MORN5: variants seen among roughly 807,000 people sequenced by gnomAD.
MORN5 encodes MORN repeat containing 5, also known as MORN repeat-containing protein 5.
A neutral mutation model predicts 22.1 loss-of-function variants in MORN5; 21 were observed. That is an observed-to-expected ratio of 0.95 (90% CI 0.67 to 1.37). The LOEUF is 1.37. Among genes scored for constraint, MORN5 ranks in the 40% most tolerant of loss-of-function variants. The pLI is 0.00. For missense variants in MORN5, 211 were observed against 215.1 expected (o/e 0.98, Z 0.12); for synonymous variants, 73 against 74.0 (o/e 0.99, Z 0.07).
chr9:122,160,571 T>G (rs1209031206), intron 1 of MORN5, among the ~76,000 whole-genome samples: 2 of 151,624 alleles, frequency 1.3e-5, no homozygotes, highest in Non-Finnish European at 2.9e-5. Context: ...CCTTTTTTCC[T>G]TCCTTCCTTC....
chr9:122,167,630 T>C (rs144192270), intron 2 of MORN5, among the ~76,000 whole-genome samples: 1 of 152,286 alleles, frequency 6.6e-6, no homozygotes, highest in Admixed American at 6.5e-5. Context: ...ACTTACTGCC[T>C]GATCTTAGGC....
At chr9:122,175,779 A>C in intron 4 of MORN5, 1 of 881,508 alleles carries the variant, frequency 1.1e-6, no homozygotes, top group Non-Finnish European at 1.4e-6. Context: ...TTTACTCAGT[A>C]AGTCAGTGAT....
chr9:122,170,590 C>T (rs1212479573), intron 3 of MORN5, among the ~76,000 whole-genome samples: 2 of 152,198 alleles, frequency 1.3e-5, no homozygotes, highest in African/African-American at 4.8e-5. Flanking sequence ...CCAGATGACC[C>T]TGCCCAGTCA....
At chr9:122,173,199 G>T (rs79987450) in intron 3 of MORN5, among the ~76,000 whole-genome samples, 5,919 of 152,258 alleles carry the variant, frequency 0.039, 150 homozygotes, top group African/African-American at 0.055. Flanking sequence ...CCTCAGAAGA[G>T]CAGCTTGATT....
At position 122,197,300 on chromosome 9, in the gene MORN5, C is replaced by CA. The variant is rs1404657315; in HGVS notation, c.440-2579dup. On this transcript the variant is annotated intron_variant, in intron 4 of 4. Transcript: ENST00000373764. This position sits in a 1 kb window ranked among gnomAD's most constrained non-coding sequence, Gnocchi z 5.7. Reference sequence around the variant, plus strand: ...CCTCCTTTCCCTCTCCCCCTCCTACCAAAAAAGGGGAGAAATTATCTGAGA... The same window carrying CA: ...CCTCCTTTCCCTCTCCCCCTCCTACCAAAAAAAGGGGAGAAATTATCTGAGA... 4.0e-5 allele frequency among the ~76,000 whole-genome samples: 6 copies of CA among 151,844 alleles called. No homozygotes were observed. Among genetic ancestry groups the CA allele is most frequent in the Admixed American group, 6.5e-5 (1 of 15,272 alleles).
chr9:122,186,912 G>A (rs1044923782), intron 4 of MORN5, among the ~76,000 whole-genome samples: 9 of 152,210 alleles, frequency 5.9e-5, no homozygotes, highest in Admixed American at 2.6e-4. Context: ...CAGGAGAGGC[G>A]GACAGGGTCA....
chr9:122,195,262 T>A (rs1571587), intron 4 of MORN5, among the ~76,000 whole-genome samples: 75,681 of 152,054 alleles, frequency 0.5, 21,715 homozygotes, highest in African/African-American at 0.78. Context: ...TACAGAGTTG[T>A]CAATGTACCC....
intron 4 of MORN5, among the ~76,000 whole-genome samples, chr9:122,193,991 G>T (rs1254113366): frequency 6.6e-6 from 1 of 152,232 alleles, no homozygotes; most frequent in Non-Finnish European, 1.5e-5. Context: ...CCCATGGTCA[G>T]ATTTGGGGTG....
At chr9:122,196,064 T>C (rs1162855597) in intron 4 of MORN5, among the ~76,000 whole-genome samples, 1 of 151,878 alleles carries the variant, frequency 6.6e-6, no homozygotes, top group Admixed American at 6.6e-5. Context: ...GCTCAGGTGA[T>C]CGTCTCACAT....
intron 4 of MORN5, among the ~76,000 whole-genome samples, chr9:122,188,279 C>T (rs1244638595): frequency 6.6e-6 from 1 of 152,218 alleles, no homozygotes; most frequent in Non-Finnish European, 1.5e-5. Flanking sequence ...TATCACTCTG[C>T]ACCCACTCAC....
chr9:122,190,051 G>A (rs761625112), intron 4 of MORN5, among the ~76,000 whole-genome samples: 1 of 151,642 alleles, frequency 6.6e-6, no homozygotes, highest in Admixed American at 6.6e-5. Context: ...AAGCACCTAC[G>A]GCTCCCACCT....
At chr9:122,185,911 CT>C (rs1829623642) in intron 4 of MORN5, among the ~76,000 whole-genome samples, 1 of 152,218 alleles carries the variant, frequency 6.6e-6, no homozygotes, top group Admixed American at 6.5e-5. Flanking sequence ...CCGAGTGAGA[CT>C]CCCCCACAGC....
In MORN5 at chr9:122,176,658, T is replaced by C. The variant is rs145482751; in HGVS notation, c.439+2031T>C. Among the ~76,000 whole-genome samples the C allele has an allele frequency of 1.8e-4, 27 of 152,162 alleles. No individual in the cohort carries two copies. The East Asian group carries it at 5.0e-3, about 28-fold the overall frequency. ...ACTTTGGGATGCCAAGACAGGCAGA[T>C]CACAAGGTCAGGAGTTCGAGACCGC... On this transcript the variant is annotated intron_variant, in intron 4 of 4. Transcript: ENST00000373764.
At chr9:122,162,200 A>G (rs1031248174) in intron 1 of MORN5, among the ~76,000 whole-genome samples, 2 of 152,220 alleles carry the variant, frequency 1.3e-5, no homozygotes, top group African/African-American at 4.8e-5. Flanking sequence ...ATTCAGCAGC[A>G]GTGTTCCAAG....
chr9:122,177,057 G>A (rs546326504), intron 4 of MORN5, among the ~76,000 whole-genome samples: 1 of 152,352 alleles, frequency 6.6e-6, no homozygotes, highest in South Asian at 2.1e-4. Context: ...AAGGTCAACA[G>A]AGGGACCCCC....
intron 2 of MORN5, among the ~76,000 whole-genome samples, chr9:122,168,737 A>G (rs1166816896): frequency 6.6e-6 from 1 of 152,210 alleles, no homozygotes; most frequent in Non-Finnish European, 1.5e-5. Flanking sequence ...TAATAAAAGA[A>G]TAATAACATT....
At chr9:122,182,893 T>A (rs1374945249) in intron 4 of MORN5, among the ~76,000 whole-genome samples, 1 of 152,234 alleles carries the variant, frequency 6.6e-6, no homozygotes, top group Non-Finnish European at 1.5e-5. Context: ...CAACTAGTGA[T>A]ACAGTCAGAT....
rs367756973 is a variant in MORN5, at chr9:122,174,043, TCTC to T, written c.308-450_308-448del. 2.9e-4 allele frequency among the ~76,000 whole-genome samples: 44 copies of T among 152,334 alleles called. 2 individuals carry two copies. The highest frequency in any genetic ancestry group is 1.0e-3 in the African/African-American group (42 of 41,574). On this transcript the variant is annotated intron_variant, in intron 3 of 4. Transcript: ENST00000373764. ...ACCTGATCCATTTCTTTTCTGCTGTTCTCCTTCATACGTGCTCTGCTCTACAAG... is the reference window on the plus strand; with the variant it reads ...ACCTGATCCATTTCTTTTCTGCTGTTCTTCATACGTGCTCTGCTCTACAAG...
chr9:122,167,046 A>G, intron 2 of MORN5, 131 bp downstream of exon 2: 3 of 591,294 alleles, frequency 5.1e-6, no homozygotes, highest in South Asian at 5.2e-5. Flanking sequence ...CTTCTCCCCC[A>G]CTCCCCCCAC....
Sources: gnomAD v4.1 joint callset for allele counts (sites outside exome capture counted in the v4.1 genomes callset) on GRCh38, gnomAD v4.1.1 for gene constraint, Gnocchi (gnomAD v3.1) non-coding constraint, MANE v1.5 for transcripts, NCBI Gene and HGNC (gene_info 2026-07-23, HGNC 2026-07-21) for gene names.